The following CELF4 variants were observed in gnomAD, a reference collection of about 807,000 sequenced individuals.
The protein encoded by CELF4 is CUG-BP- and ETR-3-like factor 4.
Under a neutral mutation model 59.9 loss-of-function variants are expected in CELF4, and 18 were observed. The ratio of observed to expected loss-of-function variants is 0.30; its 90% CI spans 0.21 to 0.45. The LOEUF (loss-of-function observed/expected upper bound fraction) is 0.45, where lower values mean the gene tolerates loss of function less well. Ranked by LOEUF, CELF4 falls within the 20% of genes least tolerant of loss-of-function variation. CELF4 has a pLI of 1.00. For synonymous variants in CELF4, 261 were observed against 267.1 expected (o/e 0.98, Z 0.22); for missense variants, 456 against 689.0 (o/e 0.66, Z 3.79).
intron 1 of CELF4, among the ~76,000 whole-genome samples, chr18:37,519,505 G>T (rs914268242): frequency 1.3e-5 from 2 of 152,164 alleles, no homozygotes; most frequent in African/African-American, 4.8e-5. Flanking sequence ...GCATTTTGCC[G>T]TTGTTTGGAA....
chr18:37,560,274 CTCTG>C (rs2099986149), intron 1 of CELF4, among the ~76,000 whole-genome samples: 1 of 152,156 alleles, frequency 6.6e-6, no homozygotes, highest in Non-Finnish European at 1.5e-5. Flanking sequence ...GTTAATTTAT[CTCTG>C]TGTTTGTTGA....
intron 3 of CELF4, among the ~76,000 whole-genome samples, chr18:37,320,920 G>T (rs2097093810): frequency 6.6e-6 from 1 of 152,120 alleles, no homozygotes; most frequent in African/African-American, 2.4e-5. Flanking sequence ...GGAGGAGCTG[G>T]TGCCCGGGTA....
At chr18:37,525,561 C>T (rs557718931) in intron 1 of CELF4, among the ~76,000 whole-genome samples, 9 of 106,478 alleles carry the variant, frequency 8.5e-5, no homozygotes, top group South Asian at 6.6e-4. Flanking sequence ...TCACATTTCT[C>T]GGGGACAATC....
chr18:37,555,925 C>T lies in CELF4; in HGVS notation c.286+9431G>A, dbSNP rs114251505. On this transcript the variant is annotated intron_variant, in intron 1 of 12. Transcript: ENST00000420428. ...ATGTATGTGTGTGTATGTATGCGAGCGTGTTCACGTGTATGTAAGTGTGCG... is the reference window on the plus strand; with the variant it reads ...ATGTATGTGTGTGTATGTATGCGAGTGTGTTCACGTGTATGTAAGTGTGCG... 1.8e-3 allele frequency among the ~76,000 whole-genome samples: 271 copies of T among 152,090 alleles called. 1 individual carries two copies. The highest frequency in any genetic ancestry group is 5.8e-3 in the African/African-American group (242 of 41,470).
intron 2 of CELF4, among the ~76,000 whole-genome samples, chr18:37,427,070 GCC>G (rs2099619050): frequency 6.6e-6 from 1 of 150,398 alleles, no homozygotes; most frequent in Non-Finnish European, 1.5e-5. Context: ...CCTGGGTGAA[GCC>G]CACCATGGCA....
At position 37,396,882 on chromosome 18, in the gene CELF4, C is replaced by A. The variant is rs77435930; in HGVS notation, c.370-75001G>T. Among the ~76,000 whole-genome samples, 102 of 152,304 alleles carry A rather than the reference C, an allele frequency of 6.7e-4. 2 individuals carry two copies. The East Asian group carries it at 0.015, about 23-fold the overall frequency. On this transcript the variant is annotated intron_variant, in intron 2 of 12. Transcript: ENST00000420428. ...GAACCTATCCTTTGTACCTCCCCAG[C>A]ATGTTTGAGGCAAACTCACCCTGCT...
intron 2 of CELF4, among the ~76,000 whole-genome samples, chr18:37,413,554 G>A (rs1465990448): frequency 6.6e-6 from 1 of 152,140 alleles, no homozygotes; most frequent in Non-Finnish European, 1.5e-5. Flanking sequence ...TGTATTTTGG[G>A]CATCGCCTGT....
chr18:37,416,911 G>C (rs10468927), intron 2 of CELF4, among the ~76,000 whole-genome samples: 1,615 of 152,216 alleles, frequency 0.011, 18 homozygotes, highest in African/African-American at 0.036. Flanking sequence ...GAGAAGGGAA[G>C]AGGAAGTGAG....
intron 2 of CELF4, among the ~76,000 whole-genome samples, chr18:37,334,010 C>T (rs76291663): frequency 0.14 from 21,039 of 152,134 alleles, 1,824 homozygotes; most frequent in East Asian, 0.27. Context: ...TCCCTGAATG[C>T]CCAGCCATGC....
At chr18:37,545,131 C>T (rs1431648677) in intron 1 of CELF4, among the ~76,000 whole-genome samples, 4 of 152,176 alleles carry the variant, frequency 2.6e-5, no homozygotes, top group Admixed American at 1.3e-4. Context: ...GCAGGAAGAC[C>T]GGGCATAATA....
intron 2 of CELF4, among the ~76,000 whole-genome samples, chr18:37,324,911 A>G (rs753877346): frequency 5.3e-5 from 8 of 152,204 alleles, no homozygotes; most frequent in Non-Finnish European, 8.8e-5. Context: ...AAATGGTGAT[A>G]TCAAGATGAA....
chr18:37,454,383 C>T (rs1204839259), intron 2 of CELF4, among the ~76,000 whole-genome samples: 1 of 152,184 alleles, frequency 6.6e-6, no homozygotes, highest in Non-Finnish European at 1.5e-5. Context: ...TGACCCAAGT[C>T]AGACCTTTAG....
intron 2 of CELF4, among the ~76,000 whole-genome samples, chr18:37,364,145 G>A (rs1331483915): frequency 6.6e-6 from 1 of 152,182 alleles, no homozygotes; most frequent in Non-Finnish European, 1.5e-5. Flanking sequence ...GGCACGATGG[G>A]AGCTTCTGTT....
At chr18:37,274,540 C>T in intron 5 of CELF4, 86 bp from the exon 6 acceptor site, 7 of 1,598,760 alleles carry the variant, frequency 4.4e-6, no homozygotes, top group Non-Finnish European at 6.0e-6. Context: ...CCCACCCCGC[C>T]CGCTCCTCGG....
chr18:37,405,213 G>A lies in CELF4; in HGVS notation c.369+80312C>T, dbSNP rs551710345. On this transcript the variant is annotated intron_variant, in intron 2 of 12. Transcript: ENST00000420428. ...ATTTTCACTAACAGCTGAATGTCTA[G>A]TCATTTGGCAGTGTTGTCCACAGGT... Among the ~76,000 whole-genome samples, 3 of 152,360 alleles carry A rather than the reference G, an allele frequency of 2.0e-5. No homozygotes were observed. The South Asian group carries it at 6.2e-4, about 32-fold the overall frequency.
At chr18:37,383,532 T>C (rs773464541) in intron 2 of CELF4, among the ~76,000 whole-genome samples, 1 of 152,252 alleles carries the variant, frequency 6.6e-6, no homozygotes, top group East Asian at 1.9e-4. Flanking sequence ...AACTCTGTTA[T>C]ACATAATACT....
chr18:37,287,021 A>G (rs924737205), intron 3 of CELF4, among the ~76,000 whole-genome samples: 1 of 152,092 alleles, frequency 6.6e-6, no homozygotes, highest in Non-Finnish European at 1.5e-5. Flanking sequence ...ACAGCCCTTC[A>G]GGGATGAACA....
chr18:37,467,696 C>G (rs978832440), intron 2 of CELF4, among the ~76,000 whole-genome samples: 7 of 152,202 alleles, frequency 4.6e-5, no homozygotes, highest in Non-Finnish European at 7.3e-5. Flanking sequence ...AGAGTTCAGA[C>G]AGATGCTGTG....
intron 2 of CELF4, among the ~76,000 whole-genome samples, chr18:37,328,561 A>G (rs1313717789): frequency 6.6e-6 from 1 of 152,130 alleles, no homozygotes; most frequent in Admixed American, 6.5e-5. Context: ...ATCTTCCCCA[A>G]ACAGACATAA....
Sources: gnomAD v4.1 joint callset for allele counts (sites outside exome capture counted in the v4.1 genomes callset) on GRCh38, gnomAD v4.1.1 for gene constraint, MANE v1.5 for transcripts, NCBI Gene and HGNC (gene_info 2026-07-23, HGNC 2026-07-21) for gene names.